Variants in GABRA3 observed in about 807,000 individuals in gnomAD.
GABRA3 encodes gamma-aminobutyric acid type A receptor subunit alpha3, also known as gamma-aminobutyric acid receptor subunit alpha-3.
A neutral mutation model predicts 30.1 loss-of-function variants in GABRA3; 10 were observed. That is an observed-to-expected ratio of 0.33 (90% CI 0.20 to 0.56). The LOEUF is 0.56. Ranked by LOEUF, GABRA3 falls within the 20% of genes least tolerant of loss-of-function variation. GABRA3 has a pLI of 0.89. For synonymous variants in GABRA3, 151 were observed against 146.8 expected (o/e 1.03, Z -0.21); for missense variants, 233 against 392.0 (o/e 0.59, Z 3.42).
intron 1 of GABRA3, among the ~76,000 whole-genome samples, chrX:152,430,816 T>C (rs1236879163): frequency 9.0e-6 from 1 of 110,632 alleles, no homozygotes; most frequent in African/African-American, 3.3e-5. Context: ...GACAATGAGA[T>C]GGACAATAGA....
chrX:152,402,197 C>G (rs763524278), intron 1 of GABRA3, among the ~76,000 whole-genome samples: 47 of 111,992 alleles, frequency 4.2e-4, no homozygotes, highest in African/African-American at 1.4e-3. Context: ...AAATGGTGAA[C>G]TAAAGCAGAA....
At position 152,386,848 on chromosome X, in the gene GABRA3, G is replaced by A. The variant is rs780891602; in HGVS notation, c.-26-22252C>T. 6.1e-3 allele frequency among the ~76,000 whole-genome samples: 662 copies of A among 109,286 alleles called. 4 individuals are homozygous for A. The highest frequency in any genetic ancestry group is 0.019 in the Middle Eastern group (4 of 214). The allele number at this position is 109,286 out of a possible 115,157, so 94.9% of individuals were successfully genotyped here. A position where few individuals can be genotyped will look rare whatever the true frequency, so the allele number is the denominator to read the frequency against. The stretch of plus-strand genomic sequence containing the variant: ...TGCTGCTATAAAGACACATGCACAC[G>A]TATGTTTATTGTGGCACTATTTACA... On this transcript the variant is annotated intron_variant, in intron 1 of 9. Transcript: ENST00000370314.
chrX:152,409,831 A>G (rs940226434), intron 1 of GABRA3, among the ~76,000 whole-genome samples: 1 of 112,083 alleles, frequency 8.9e-6, no homozygotes, highest in African/African-American at 3.2e-5. Context: ...AAAGAGAACT[A>G]TCGTATGACC....
chrX:152,448,191 G>T (rs980409873), intron 1 of GABRA3, among the ~76,000 whole-genome samples: 4 of 111,997 alleles, frequency 3.6e-5, no homozygotes, highest in East Asian at 5.6e-4. Flanking sequence ...CTTGAAGTGT[G>T]GTCAGTGGAA....
chrX:152,411,668 G>T (rs1256636411), intron 1 of GABRA3, among the ~76,000 whole-genome samples: 1 of 111,260 alleles, frequency 9.0e-6, no homozygotes, highest in Non-Finnish European at 1.9e-5. Context: ...ATTAGGAAAT[G>T]ATTTCTTAGA....
intron 1 of GABRA3, among the ~76,000 whole-genome samples, chrX:152,420,242 C>T (rs1440745840): frequency 3.6e-5 from 4 of 111,183 alleles, no homozygotes; most frequent in Non-Finnish European, 5.7e-5. Flanking sequence ...TCTCTGCTTA[C>T]GTTCAGCATT....
At chrX:152,258,795 GGGCACAACAAGATGGCACAATAGAA>G (rs766385903) in intron 4 of GABRA3, among the ~76,000 whole-genome samples, 5 of 111,601 alleles carry the variant, frequency 4.5e-5, no homozygotes, top group Non-Finnish European at 9.4e-5. Context: ...ATGTTGTTGA[GGGCACAACAAGATGGCACAATAGAA>G]GGCTCCACTG....
chrX:152,186,647 C>A (rs1169041136), intron 9 of GABRA3, among the ~76,000 whole-genome samples: 1 of 101,471 alleles, frequency 9.9e-6, no homozygotes, highest in Non-Finnish European at 2.0e-5. Flanking sequence ...TATTTGACAG[C>A]GTCTTACTCT....
intron 2 of GABRA3, among the ~76,000 whole-genome samples, chrX:152,360,769 T>C (rs1211323111): frequency 1.5e-5 from 1 of 67,590 alleles, no homozygotes; most frequent in Non-Finnish European, 2.9e-5. Flanking sequence ...AAAAAAAAAA[T>C]GTTTCTAATT....
At chrX:152,441,165 G>GT in intron 1 of GABRA3, among the ~76,000 whole-genome samples, 1 of 111,254 alleles carries the variant, frequency 9.0e-6, no homozygotes, top group Non-Finnish European at 1.9e-5. Flanking sequence ...GGTGGTAGTG[G>GT]TTACACAATC....
At chrX:152,216,971 TA>T (rs1374442487) in intron 6 of GABRA3, among the ~76,000 whole-genome samples, 1 of 111,019 alleles carries the variant, frequency 9.0e-6, no homozygotes, top group Non-Finnish European at 1.9e-5. Flanking sequence ...AAATAATTTT[TA>T]AAAAATTTAG....
chrX:152,442,189 G>A (rs1930948561), intron 1 of GABRA3, among the ~76,000 whole-genome samples: 1 of 111,119 alleles, frequency 9.0e-6, no homozygotes, highest in South Asian at 3.8e-4. Flanking sequence ...TTGGAGGGAT[G>A]TGGAAAGGAA....
intron 1 of GABRA3, among the ~76,000 whole-genome samples, chrX:152,405,920 T>C (rs928719548): frequency 2.7e-5 from 3 of 111,326 alleles, no homozygotes; most frequent in Non-Finnish European, 5.7e-5. Flanking sequence ...ATGAGAGTGT[T>C]CACATGACCT....
At chrX:152,239,512 A>T (rs199738654) in intron 5 of GABRA3, among the ~76,000 whole-genome samples, 232 of 92,482 alleles carry the variant, frequency 2.5e-3, no homozygotes, top group East Asian at 0.015. Flanking sequence ...TATTAGGTCC[A>T]CTTGGTGCAG....
chrX:152,405,851 A>C (rs1222906131), intron 1 of GABRA3, among the ~76,000 whole-genome samples: 7 of 111,571 alleles, frequency 6.3e-5, no homozygotes, highest in Non-Finnish European at 1.1e-4. Context: ...GCCCTTGGGC[A>C]AGATCCAGTA....
intron 5 of GABRA3, among the ~76,000 whole-genome samples, chrX:152,245,105 A>T (rs774129139): frequency 7.4e-4 from 47 of 63,096 alleles, no homozygotes; most frequent in Non-Finnish European, 1.2e-3. Flanking sequence ...ATAATGTAGG[A>T]GGGAACAGTT....
intron 5 of GABRA3, among the ~76,000 whole-genome samples, chrX:152,233,156 GT>G (rs59809031): frequency 2.0e-4 from 21 of 103,494 alleles, no homozygotes; most frequent in Admixed American, 7.3e-4. Context: ...GGGGTTGTTT[GT>G]TTTTTTTTTC....
chrX:152,371,378 G>A (rs1006576346), intron 1 of GABRA3, among the ~76,000 whole-genome samples: 1 of 111,300 alleles, frequency 9.0e-6, no homozygotes, highest in Non-Finnish European at 1.9e-5. Context: ...CAGAATGTCA[G>A]CCATATACTT....
chrX:152,370,556 C>CAA (rs1484582677), intron 1 of GABRA3, among the ~76,000 whole-genome samples: 1 of 111,929 alleles, frequency 8.9e-6, no homozygotes, highest in African/African-American at 3.2e-5. Context: ...TATTCTAATC[C>CAA]AAATAATGGA....
Sources: allele counts gnomAD v4.1 joint callset (sites outside exome capture counted in the v4.1 genomes callset), GRCh38; gene constraint gnomAD v4.1.1; transcripts MANE v1.5; gene names NCBI Gene and HGNC (gene_info 2026-07-23, HGNC 2026-07-21).